The following HNRNPC variants were observed in gnomAD, a reference collection of about 807,000 sequenced individuals.
The protein encoded by HNRNPC is heterogeneous nuclear ribonucleoprotein C, also known as heterogeneous nuclear ribonucleoproteins C1/C2.
Under a neutral mutation model 33.2 loss-of-function variants are expected in HNRNPC, and 3 were observed. That is an observed-to-expected ratio of 0.09 (90% CI 0.04 to 0.23). The LOEUF is 0.23. HNRNPC is among the 10% of genes least tolerant of loss of function. The pLI is 1.00. For synonymous variants in HNRNPC, 121 were observed against 126.7 expected (o/e 0.96, Z 0.30); for missense variants, 143 against 366.7 (o/e 0.39, Z 4.98).
At chr14:21,261,784 C>T (rs946633616) in intron 2 of HNRNPC, among the ~76,000 whole-genome samples, 6 of 152,148 alleles carry the variant, frequency 3.9e-5, no homozygotes, top group Non-Finnish European at 8.8e-5. Flanking sequence ...AGCTTGAAAC[C>T]TATCAGAGCA....
intron 5 of HNRNPC, among the ~76,000 whole-genome samples, chr14:21,217,517 A>G (rs1278216672): frequency 2.0e-5 from 3 of 152,320 alleles, no homozygotes; most frequent in South Asian, 2.1e-4. Flanking sequence ...ATTAAGGGGG[A>G]AAAAATGGAA....
chr14:21,268,197 T>A (rs913958897), intron 1 of HNRNPC, among the ~76,000 whole-genome samples: 11 of 152,208 alleles, frequency 7.2e-5, no homozygotes, highest in African/African-American at 2.2e-4. Context: ...TTAAGTTTTT[T>A]ATCAAATTTC....
intron 2 of HNRNPC, among the ~76,000 whole-genome samples, chr14:21,261,223 G>A (rs532565018): frequency 3.2e-4 from 49 of 152,044 alleles, no homozygotes; most frequent in East Asian, 7.7e-4. Flanking sequence ...ACTAAGCTGC[G>A]AAGCCCTTAA....
chr14:21,226,173 T>C (rs575024173), intron 5 of HNRNPC, among the ~76,000 whole-genome samples: 1 of 151,382 alleles, frequency 6.6e-6, no homozygotes, highest in South Asian at 2.1e-4. Context: ...ATACAAAAAA[T>C]CAGCTGGGTG....
intron 2 of HNRNPC, among the ~76,000 whole-genome samples, chr14:21,235,405 G>A (rs945496958): frequency 6.6e-6 from 1 of 152,052 alleles, no homozygotes; most frequent in Admixed American, 6.6e-5. Flanking sequence ...CATAAAAACA[G>A]GTAGTTTAAC....
At chr14:21,248,617 C>T (rs1275527865) in intron 2 of HNRNPC, among the ~76,000 whole-genome samples, 2 of 152,084 alleles carry the variant, frequency 1.3e-5, no homozygotes, top group Non-Finnish European at 2.9e-5. Context: ...AAACAGGTGA[C>T]TAACAATACT....
chr14:21,251,705 A>T lies in HNRNPC; in HGVS notation c.-37+11606T>A, dbSNP rs527345035. Among the ~76,000 whole-genome samples, 3 of 152,300 alleles carry T rather than the reference A, an allele frequency of 2.0e-5. No homozygotes were observed. The South Asian group carries it at 6.2e-4, about 32-fold the overall frequency. On this transcript the variant is annotated intron_variant, in intron 2 of 8. Transcript: ENST00000553300. ...AAAAAAAAGACACACGTATTAGGAA[A>T]AATAGTCTCAGATTTTAGAAATACT...
intron 5 of HNRNPC, among the ~76,000 whole-genome samples, chr14:21,218,962 T>G (rs1316272448): frequency 6.6e-6 from 1 of 151,246 alleles, no homozygotes; most frequent in African/African-American, 2.4e-5. Flanking sequence ...ATACAAATAT[T>G]AGCTGGGCAT....
At chr14:21,218,651 C>T (rs1892472046) in intron 5 of HNRNPC, among the ~76,000 whole-genome samples, 1 of 128,280 alleles carries the variant, frequency 7.8e-6, no homozygotes, top group Non-Finnish European at 1.5e-5. Context: ...CACTGCATTC[C>T]AGCCTGGGAG....
chr14:21,223,981 C>T (rs1023871524), intron 5 of HNRNPC, among the ~76,000 whole-genome samples: 3 of 152,062 alleles, frequency 2.0e-5, no homozygotes, highest in Admixed American at 1.3e-4. Flanking sequence ...TTCAAAGTAG[C>T]CTAGAAGTCT....
intron 5 of HNRNPC, among the ~76,000 whole-genome samples, chr14:21,217,730 C>T (rs1892343864): frequency 6.6e-6 from 1 of 152,062 alleles, no homozygotes; most frequent in South Asian, 2.1e-4. Flanking sequence ...TTTGTAAATT[C>T]TAAGCCATTT....
intron 5 of HNRNPC, among the ~76,000 whole-genome samples, chr14:21,222,673 A>T (rs943561982): frequency 6.6e-6 from 1 of 151,200 alleles, no homozygotes; most frequent in Admixed American, 6.6e-5. Context: ...CAGGCAGATC[A>T]TGAGGTCAGG....
intron 5 of HNRNPC, 55 bp downstream of exon 5, chr14:21,230,264 G>A (rs902460925): frequency 4.7e-6 from 6 of 1,281,992 alleles, no homozygotes; most frequent in East Asian, 2.3e-5. Flanking sequence ...CCAGAAGAAC[G>A]AAATGGTTCT....
At chr14:21,224,604 T>C (rs1164075614) in intron 5 of HNRNPC, among the ~76,000 whole-genome samples, 4 of 152,158 alleles carry the variant, frequency 2.6e-5, no homozygotes, top group Admixed American at 1.3e-4. Flanking sequence ...CTCCTCTCCA[T>C]TCCAACATTT....
intron 5 of HNRNPC, among the ~76,000 whole-genome samples, chr14:21,219,928 C>G (rs1892636814): frequency 6.6e-6 from 1 of 152,212 alleles, no homozygotes; most frequent in Non-Finnish European, 1.5e-5. Flanking sequence ...CTGGCCACAT[C>G]TGATTCCTCT....
chr14:21,254,900 C>A (rs1432796314), intron 2 of HNRNPC, among the ~76,000 whole-genome samples: 4 of 138,122 alleles, frequency 2.9e-5, no homozygotes, highest in African/African-American at 1.1e-4. Context: ...CCAGCCTGGG[C>A]AACAGAGCGA....
At chr14:21,249,598 A>AAAAC (rs991504265) in intron 2 of HNRNPC, among the ~76,000 whole-genome samples, 66 of 131,478 alleles carry the variant, frequency 5.0e-4, no homozygotes, top group African/African-American at 1.7e-3. Flanking sequence ...AAAAACAAAA[A>AAAAC]AAAAAAAAAA....
At chr14:21,249,817 T>C (rs1407682393) in intron 2 of HNRNPC, among the ~76,000 whole-genome samples, 1 of 152,106 alleles carries the variant, frequency 6.6e-6, no homozygotes, top group Non-Finnish European at 1.5e-5. Flanking sequence ...CAACTTCTGT[T>C]TGGAAAACAC....
At chr14:21,243,567 C>A (rs1342015892) in intron 2 of HNRNPC, among the ~76,000 whole-genome samples, 1 of 152,106 alleles carries the variant, frequency 6.6e-6, no homozygotes, top group East Asian at 1.9e-4. Flanking sequence ...GCTTATGTAA[C>A]AATGATCATG....
Sources: allele counts gnomAD v4.1 joint callset (sites outside exome capture counted in the v4.1 genomes callset), GRCh38; gene constraint gnomAD v4.1.1; transcripts MANE v1.5; gene names NCBI Gene and HGNC (gene_info 2026-07-23, HGNC 2026-07-21).